Variants in SGPL1 observed in about 807,000 individuals in gnomAD.
SGPL1 encodes the protein SP-lyase 1.
In SGPL1, 37 loss-of-function variants were observed where a neutral mutation model predicts 68.9. That is an observed-to-expected ratio of 0.54 (90% CI 0.41 to 0.71). The LOEUF is 0.71. Among genes scored for constraint, SGPL1 ranks in the 30% least tolerant of loss-of-function variants. The pLI, the probability that SGPL1 is intolerant of heterozygous loss-of-function variation, is 0.00. For synonymous variants in SGPL1, 236 were observed against 248.5 expected, an observed-to-expected ratio of 0.95 and a Z score of 0.47; for missense variants, 551 against 704.6, an observed-to-expected ratio of 0.78 and a Z score of 2.47.
At chr10:70,858,614 T>C (rs116283929) in intron 6 of SGPL1, among the ~76,000 whole-genome samples, 11 of 152,354 alleles carry the variant, frequency 7.2e-5, no homozygotes, top group African/African-American at 2.4e-4. Context: ...AATCTTTCAG[T>C]AGCTTCCCAT....
At chr10:70,850,620 A>G (rs1202239265) in intron 3 of SGPL1, among the ~76,000 whole-genome samples, 1 of 152,168 alleles carries the variant, frequency 6.6e-6, no homozygotes, top group African/African-American at 2.4e-5. Context: ...TTGTAATAGC[A>G]AATATTAGAA....
At chr10:70,818,399 C>G (rs138018085) in intron 2 of SGPL1, among the ~76,000 whole-genome samples, 1 of 152,352 alleles carries the variant, frequency 6.6e-6, no homozygotes, top group African/African-American at 2.4e-5. Context: ...GGATTACTTA[C>G]AGGCGTGAGC....
intron 2 of SGPL1, among the ~76,000 whole-genome samples, chr10:70,838,694 C>T (rs932823295): frequency 6.6e-6 from 1 of 152,142 alleles, no homozygotes; most frequent in Non-Finnish European, 1.5e-5. Flanking sequence ...TTTGAAACTG[C>T]AGATTATGAT....
At position 70,857,640 on chromosome 10, in the gene SGPL1, T is replaced by G; in HGVS notation, c.436T>G (p.Ser146Ala). Residue 146 changes from serine to alanine, a missense_variant, in exon 6 of 15, where the codon TCT becomes GCT. Ser to Ala is a moderately conservative substitution (Grantham distance 99, BLOSUM62 1). Coordinates refer to ENST00000373202, the MANE Select transcript of SGPL1 (RefSeq NM_003901.4). ...MDAFWQEGRASGTVYSGEEKL... is the reference protein window; with the variant it reads ...MDAFWQEGRAAGTVYSGEEKL... The stretch of plus-strand genomic sequence containing the variant: ...CGCCTTCTGGCAAGAGGGGAGAGCC[T>G]CTGGAACAGTGTACAGTGGGGAGGA... The G allele has an allele frequency of 6.2e-7, 1 of 1,613,470 alleles. No individual in the cohort carries two copies. Among genetic ancestry groups the G allele is most frequent in the Non-Finnish European group, 8.5e-7 (1 of 1,179,580 alleles).
intron 2 of SGPL1, among the ~76,000 whole-genome samples, chr10:70,828,398 T>G (rs1203544191): frequency 6.6e-6 from 1 of 152,218 alleles, no homozygotes; most frequent in Non-Finnish European, 1.5e-5. Context: ...CATGGCTTCC[T>G]GCAGCCTTGA....
At chr10:70,865,879 ATGT>A (rs889434675) in intron 7 of SGPL1, among the ~76,000 whole-genome samples, 6 of 152,348 alleles carry the variant, frequency 3.9e-5, no homozygotes, top group African/African-American at 1.2e-4. Context: ...TTCCAAGTAG[ATGT>A]TGTTCTCTTG....
At chr10:70,817,763 T>C (rs1010171234) in intron 2 of SGPL1, among the ~76,000 whole-genome samples, 1 of 152,250 alleles carries the variant, frequency 6.6e-6, no homozygotes, top group Non-Finnish European at 1.5e-5. Flanking sequence ...AGGCAGATAA[T>C]CATGTCTTCT....
chr10:70,818,804 C>A (rs1348568550), intron 2 of SGPL1, among the ~76,000 whole-genome samples: 18 of 152,044 alleles, frequency 1.2e-4, no homozygotes, highest in Admixed American at 1.2e-3. Context: ...TTAATTAATA[C>A]CCTTATATAA....
intron 3 of SGPL1, among the ~76,000 whole-genome samples, chr10:70,847,563 C>A (rs1845811773): frequency 6.6e-6 from 1 of 152,086 alleles, no homozygotes; most frequent in African/African-American, 2.4e-5. Flanking sequence ...CTGAAGGATA[C>A]CACTATTGTA....
chr10:70,861,730 A>C (rs1030368023), intron 7 of SGPL1, among the ~76,000 whole-genome samples: 1 of 152,058 alleles, frequency 6.6e-6, no homozygotes, highest in Non-Finnish European at 1.5e-5. Context: ...CGGGCCCCGC[A>C]CTCGGAGCAG....
intron 2 of SGPL1, among the ~76,000 whole-genome samples, chr10:70,836,988 A>G (rs993513542): frequency 4.5e-4 from 68 of 152,018 alleles, no homozygotes; most frequent in Admixed American, 3.8e-3. Context: ...AATACCATGT[A>G]TTCTCATTAA....
chr10:70,849,375 CAGTG>C (rs879435869), intron 3 of SGPL1, among the ~76,000 whole-genome samples: 17 of 152,146 alleles, frequency 1.1e-4, no homozygotes, highest in Non-Finnish European at 2.4e-4. Context: ...AAAGTGCTAT[CAGTG>C]AGGAGGATAC....
chr10:70,853,679 A>G (rs972967019), intron 4 of SGPL1, among the ~76,000 whole-genome samples: 4 of 152,220 alleles, frequency 2.6e-5, no homozygotes, highest in African/African-American at 9.7e-5. Flanking sequence ...ATGAATGTGA[A>G]TATGTAAGTG....
chr10:70,821,622 A>G (rs1207420735), intron 2 of SGPL1, among the ~76,000 whole-genome samples: 1 of 152,180 alleles, frequency 6.6e-6, no homozygotes, highest in Non-Finnish European at 1.5e-5. Flanking sequence ...TCTAGTGGGT[A>G]GAGGCTAGGG....
chr10:70,863,649 C>T (rs1299562629), intron 7 of SGPL1, among the ~76,000 whole-genome samples: 1 of 152,132 alleles, frequency 6.6e-6, no homozygotes, highest in Non-Finnish European at 1.5e-5. Flanking sequence ...CAAATTAAGT[C>T]AAATCCTTAG....
At chr10:70,830,803 C>G (rs1039366006) in intron 2 of SGPL1, among the ~76,000 whole-genome samples, 12 of 152,122 alleles carry the variant, frequency 7.9e-5, no homozygotes, top group African/African-American at 2.9e-4. Flanking sequence ...GCAAAGATCT[C>G]TAGCTTTTGT....
Position 70,816,814 on chromosome 10 carries a change from C to T in SGPL1, c.-40C>T, listed in dbSNP as rs767305650. The stretch of plus-strand genomic sequence containing the variant: ...CAAACCTGGTTCCCTTTTACAGAGT[C>T]TGAAAAAGGGGAGCGCGGAGAGGAG... On this transcript the variant is annotated 5_prime_UTR_variant, in exon 2 of 15. Coordinates refer to ENST00000373202, the MANE Select transcript of SGPL1 (RefSeq NM_003901.4). 6.2e-7 allele frequency: 1 copy of T among 1,610,136 alleles called. No individual in the cohort carries two copies. The highest frequency in any genetic ancestry group is 8.5e-7 in the Non-Finnish European group (1 of 1,176,432).
chr10:70,850,222 C>G (rs1317745827), intron 3 of SGPL1, among the ~76,000 whole-genome samples: 1 of 151,996 alleles, frequency 6.6e-6, no homozygotes, highest in Non-Finnish European at 1.5e-5. Flanking sequence ...ACTGTGTTGC[C>G]CAGGCTGGTC....
chr10:70,851,304 G>A (rs946216448), intron 4 of SGPL1, 94 bp downstream of exon 4: 22 of 1,128,610 alleles, frequency 1.9e-5, no homozygotes, highest in Non-Finnish European at 2.7e-5. Context: ...AAGTGGAGGG[G>A]TGATTTTGTC....
Sources: allele counts gnomAD v4.1 joint callset (sites outside exome capture counted in the v4.1 genomes callset), GRCh38; gene constraint gnomAD v4.1.1; transcripts MANE v1.5; gene names NCBI Gene and HGNC (gene_info 2026-07-23, HGNC 2026-07-21).